RBFOX2: variants seen among roughly 807,000 people sequenced by gnomAD.
The protein encoded by RBFOX2 is RNA binding protein fox-1 homolog 2.
In RBFOX2, 10 loss-of-function variants were observed where a neutral mutation model predicts 49.1. The observed-to-expected ratio is 0.20, with a 90% CI of 0.13 to 0.35. RBFOX2 has a LOEUF of 0.35. RBFOX2 is among the 10% of genes least tolerant of loss of function. RBFOX2 has a pLI of 1.00. For missense variants in RBFOX2, 323 were observed against 486.9 expected (o/e 0.66, Z 3.17); for synonymous variants, 183 against 187.4 (o/e 0.98, Z 0.19).
intron 1 of RBFOX2, among the ~76,000 whole-genome samples, chr22:36,004,378 C>T (rs1271859095): frequency 1.3e-5 from 2 of 152,176 alleles, no homozygotes; most frequent in Non-Finnish European, 2.9e-5. Context: ...AGGAAAAGCT[C>T]CTGCTGTCCT....
intron 2 of RBFOX2, among the ~76,000 whole-genome samples, chr22:35,809,509 T>C (rs1223896985): frequency 1.3e-5 from 2 of 151,822 alleles, no homozygotes; most frequent in African/African-American, 4.8e-5. Flanking sequence ...ACATATGGAG[T>C]ACTGCACCAT....
At chr22:35,771,171 C>CTT (rs1942553640) in intron 4 of RBFOX2, among the ~76,000 whole-genome samples, 1 of 152,126 alleles carries the variant, frequency 6.6e-6, no homozygotes, top group South Asian at 2.1e-4. Flanking sequence ...TTTGCAGATG[C>CTT]GATTAAGTTA....
At chr22:35,758,537 AAAT>A (rs1300224748) in intron 9 of RBFOX2, among the ~76,000 whole-genome samples, 1 of 152,208 alleles carries the variant, frequency 6.6e-6, no homozygotes, top group Non-Finnish European at 1.5e-5. Context: ...TTTCTTGATG[AAAT>A]AATACTGCAT....
intron 1 of RBFOX2, among the ~76,000 whole-genome samples, chr22:35,969,686 T>C (rs928762899): frequency 5.9e-5 from 9 of 152,190 alleles, no homozygotes; most frequent in Non-Finnish European, 1.0e-4. Context: ...GGCAGGAAGT[T>C]AGTATGCTTA....
At chr22:35,816,665 A>G (rs957132599) in intron 1 of RBFOX2, among the ~76,000 whole-genome samples, 3 of 152,196 alleles carry the variant, frequency 2.0e-5, no homozygotes, top group Admixed American at 2.0e-4. Context: ...GAACTTACTG[A>G]ATGGCCAAGA....
At chr22:35,746,380 G>A in intron 10 of RBFOX2, 93 bp downstream of exon 12, 1 of 1,152,404 alleles carries the variant, frequency 8.7e-7, no homozygotes, top group South Asian at 1.5e-5. Context: ...GCTAAGAGCT[G>A]CTGTGGAAAT....
intron 2 of RBFOX2, among the ~76,000 whole-genome samples, chr22:35,796,548 G>C (rs1371954954): frequency 6.6e-6 from 1 of 152,088 alleles, no homozygotes; most frequent in Non-Finnish European, 1.5e-5. Flanking sequence ...AGTCTTCTTT[G>C]ATAATACATC....
intron 1 of RBFOX2, among the ~76,000 whole-genome samples, chr22:35,827,923 T>C (rs576423684): frequency 1.3e-5 from 2 of 152,246 alleles, no homozygotes; most frequent in African/African-American, 4.8e-5. Flanking sequence ...TCCCAGCACT[T>C]TGGGAGGCCG....
intron 2 of RBFOX2, among the ~76,000 whole-genome samples, chr22:35,792,945 T>C (rs1282172362): frequency 1.3e-5 from 2 of 152,238 alleles, no homozygotes; most frequent in African/African-American, 4.8e-5. Context: ...TTTAATTTTC[T>C]TGGAGACAGG....
intron 2 of RBFOX2, among the ~76,000 whole-genome samples, chr22:35,783,728 C>G (rs1026107304): frequency 6.6e-6 from 1 of 152,168 alleles, no homozygotes; most frequent in Non-Finnish European, 1.5e-5. Context: ...CCAGACACCA[C>G]GTGTCCTGCA....
intron 9 of RBFOX2, among the ~76,000 whole-genome samples, chr22:35,754,052 C>T (rs1162909821): frequency 2.1e-5 from 3 of 144,058 alleles, no homozygotes; most frequent in South Asian, 2.2e-4. Context: ...CAAAGTGCTG[C>T]GATTACACAC....
At chr22:35,873,630 CTG>C (rs554818636) in intron 1 of RBFOX2, among the ~76,000 whole-genome samples, 38 of 152,264 alleles carry the variant, frequency 2.5e-4, no homozygotes, top group Non-Finnish European at 2.8e-4. Flanking sequence ...TGAGTCAACT[CTG>C]TAGTTTGTTG....
intron 1 of RBFOX2, among the ~76,000 whole-genome samples, chr22:35,883,356 C>T (rs181731071): frequency 6.6e-6 from 1 of 152,340 alleles, no homozygotes; most frequent in Non-Finnish European, 1.5e-5. Flanking sequence ...TCTACCTCTA[C>T]CTTGGGCTCC....
intron 1 of RBFOX2, among the ~76,000 whole-genome samples, chr22:36,024,421 G>A (rs2059352711): frequency 6.6e-6 from 1 of 152,172 alleles, no homozygotes; most frequent in Admixed American, 6.5e-5. Context: ...TGTCAGGGAA[G>A]GCTTCACAAA....
rs750072573 is a variant in RBFOX2 at position 35,861,842 on chromosome 22, TTGTC to T, written c.-33-51842_-33-51839del. ...ATATGAATACTCATAAAAAATCTAT[TTGTC>T]TGGCCTAAAACTGGAAACAATCCAA... On this transcript the variant is annotated intron_variant, in intron 1 of 13. Transcript: ENST00000359369. Among the ~76,000 whole-genome samples, 16 of 152,310 alleles carry T rather than the reference TTGTC, an allele frequency of 1.1e-4. No individual in the cohort carries two copies. In the East Asian group the frequency reaches 1.5e-3, roughly 15 times the overall value.
intron 1 of RBFOX2, among the ~76,000 whole-genome samples, chr22:35,935,818 G>C (rs1323812906): frequency 2.6e-5 from 4 of 152,082 alleles, no homozygotes; most frequent in Non-Finnish European, 5.9e-5. Context: ...TTGAATTGTT[G>C]CCTTGGATAA....
chr22:35,797,027 T>C (rs1309975153), intron 2 of RBFOX2, among the ~76,000 whole-genome samples: 1 of 152,178 alleles, frequency 6.6e-6, no homozygotes, highest in African/African-American at 2.4e-5. Flanking sequence ...TAGTTTGATG[T>C]AATTAGAATC....
upstream of RBFOX2, among the ~76,000 whole-genome samples, chr22:35,841,224 T>C (rs1249293451): frequency 1.3e-5 from 2 of 152,226 alleles, no homozygotes; most frequent in Non-Finnish European, 2.9e-5. Context: ...CAGCCTTCTA[T>C]GTTTCAGCCT....
intron 1 of RBFOX2, among the ~76,000 whole-genome samples, chr22:35,813,703 C>T (rs774971831): frequency 5.3e-5 from 8 of 152,012 alleles, no homozygotes; most frequent in Non-Finnish European, 1.2e-4. Flanking sequence ...TGGAGACAGT[C>T]CTGTACAATG....
Sources: gnomAD v4.1 joint callset for allele counts (sites outside exome capture counted in the v4.1 genomes callset) on GRCh38, gnomAD v4.1.1 for gene constraint, MANE v1.5 for transcripts, NCBI Gene and HGNC (gene_info 2026-07-23, HGNC 2026-07-21) for gene names.